The following PRDM16 variants were observed in gnomAD, a reference collection of about 807,000 sequenced individuals.
PRDM16 encodes histone-lysine N-methyltransferase PRDM16.
Under a neutral mutation model 110.6 loss-of-function variants are expected in PRDM16, and 23 were observed. The observed-to-expected ratio is 0.21, with a 90% CI of 0.15 to 0.29. PRDM16 has a LOEUF of 0.29. Ranked by LOEUF, PRDM16 falls within the 10% of genes least tolerant of loss-of-function variation. The pLI is 1.00. For missense variants in PRDM16, 1,615 were observed against 1,794.3 expected, an observed-to-expected ratio of 0.90 and a Z score of 1.81; for synonymous variants, 799 against 781.8, an observed-to-expected ratio of 1.02 and a Z score of -0.37.
chr1:3,181,102 TCTTACACGCGGC>T (rs1291138463), intron 1 of PRDM16, among the ~76,000 whole-genome samples: 505 of 22,634 alleles, frequency 0.022, 7 homozygotes, highest in African/African-American at 0.029. Flanking sequence ...ACACACGCAG[TCTTACACGCGGC>T]CTTACACACG....
intron 1 of PRDM16, among the ~76,000 whole-genome samples, chr1:3,180,958 T>TTACACACGCAGC (rs1557507335): frequency 1.1e-4 from 16 of 140,878 alleles, no homozygotes; most frequent in African/African-American, 3.5e-4. Flanking sequence ...ACACACGCAG[T>TTACACACGCAGC]CTTACACACT....
intron 3 of PRDM16, among the ~76,000 whole-genome samples, chr1:3,281,037 T>G (rs1640701840): frequency 6.6e-6 from 1 of 152,232 alleles, no homozygotes; most frequent in Admixed American, 6.5e-5. Flanking sequence ...CCTGGGTGGT[T>G]GTTCAACACC....
At chr1:3,400,938 T>G (rs1643457918) in intron 5 of PRDM16, among the ~76,000 whole-genome samples, 1 of 151,992 alleles carries the variant, frequency 6.6e-6, no homozygotes, top group Admixed American at 6.6e-5. Context: ...AAAAATCACA[T>G]CTGGCAAGCT....
At chr1:3,302,113 T>G (rs1347183483) in intron 3 of PRDM16, among the ~76,000 whole-genome samples, 2 of 152,194 alleles carry the variant, frequency 1.3e-5, no homozygotes, top group African/African-American at 2.4e-5. Context: ...CTAGGAGAGA[T>G]ACTGTGTTAG....
intron 1 of PRDM16, among the ~76,000 whole-genome samples, chr1:3,113,078 C>T (rs1642832306): frequency 6.6e-6 from 1 of 152,266 alleles, no homozygotes; most frequent in South Asian, 2.1e-4. Flanking sequence ...CAGCCAGCCT[C>T]TGTGATACTG....
chr1:3,184,053 G>C (rs1260015315), intron 1 of PRDM16, among the ~76,000 whole-genome samples: 2 of 151,652 alleles, frequency 1.3e-5, no homozygotes, highest in Non-Finnish European at 2.9e-5. Flanking sequence ...GGTTATGGGG[G>C]TGTTCTTTCA....
In PRDM16 at chr1:3,359,433, C is replaced by T; in HGVS notation, c.439-25719C>T. Among the ~76,000 whole-genome samples the T allele has an allele frequency of 6.6e-6, 1 of 152,122 alleles. No homozygotes were observed. The highest frequency in any genetic ancestry group is 1.9e-4 in the East Asian group (1 of 5,170). ...CTGCACATGGAACACATTGGAAGCC[C>T]TTGTCGGGTGCCACCTTCTAAGTAA... On this transcript the variant is annotated intron_variant, in intron 3 of 16. Transcript: ENST00000270722. The surrounding 1 kb of genome is among the most constrained non-coding windows in gnomAD (Gnocchi z 4.3).
chr1:3,417,818 A>G lies in PRDM16; in HGVS notation c.2692-10A>G, dbSNP rs754274180. ...GCTGAGTCCATAACCTCCCACTCTT[A>G]TGCCTACAGATGTCAGCCATAGAGA... is the stretch of plus-strand genomic sequence containing the variant. On this transcript the variant is annotated splice_polypyrimidine_tract_variant and intron_variant, in intron 10 of 16. Transcript: ENST00000270722. The G allele has an allele frequency of 7.1e-5, 115 of 1,613,268 alleles. No individual in the cohort carries two copies. The Admixed American group carries it at 1.9e-3, about 26-fold the overall frequency.
In PRDM16 at chr1:3,106,539, G is replaced by A. The variant is rs779105208; in HGVS notation, c.37+37243G>A. Reference sequence around the variant, plus strand: ...GGATGGGGATCCTGCCAGGGCTGGGGGAGTGGTCACAGGGCAAAGGCTGGA... The same window carrying A: ...GGATGGGGATCCTGCCAGGGCTGGGAGAGTGGTCACAGGGCAAAGGCTGGA... On this transcript the variant is annotated intron_variant, in intron 1 of 16. Coordinates refer to ENST00000270722, the MANE Select transcript of PRDM16 (RefSeq NM_022114.4). Among the ~76,000 whole-genome samples, 10 of 152,366 alleles carry A rather than the reference G, an allele frequency of 6.6e-5. No individual in the cohort carries two copies. In the South Asian group the frequency reaches 8.3e-4, roughly 13 times the overall value.
chr1:3,426,927 G>T (rs1557670677), intron 14 of PRDM16, among the ~76,000 whole-genome samples: 1 of 152,124 alleles, frequency 6.6e-6, no homozygotes, highest in Admixed American at 6.5e-5. Flanking sequence ...GCATGCACGT[G>T]CACTCATGCA....
At position 3,186,135 on chromosome 1, in the gene PRDM16, C is replaced by T. The variant is rs755458264; in HGVS notation, c.48C>T (p.Asp16=). The T allele has an allele frequency of 3.1e-6, 5 of 1,612,330 alleles. No individual in the cohort carries two copies. The highest frequency in any genetic ancestry group is 1.3e-5 in the African/African-American group (1 of 75,036). Residue 16 remains aspartate (D), a synonymous_variant, in exon 2 of 17, where the codon GAC becomes GAT. Coordinates refer to ENST00000270722, the MANE Select transcript of PRDM16 (RefSeq NM_022114.4). ...CGTTGTCTCCTTTAGGTGACGGTGA[C>T]GTTGTAAATAATATGTATGAGCCCA... ...RARKLAKSDG[D]VVNNMYEPNR... is the part of the protein sequence containing the mutation.
At chr1:3,297,844 A>C (rs933423715) in intron 3 of PRDM16, among the ~76,000 whole-genome samples, 1 of 147,664 alleles carries the variant, frequency 6.8e-6, no homozygotes, top group Non-Finnish European at 1.5e-5. Flanking sequence ...AGGAGTAAAA[A>C]GGGAATAGAA....
In PRDM16 at chr1:3,359,898, A is replaced by T. The variant is rs770192764; in HGVS notation, c.439-25254A>T. On this transcript the variant is annotated intron_variant, in intron 3 of 16. Coordinates refer to ENST00000270722, the MANE Select transcript of PRDM16 (RefSeq NM_022114.4). The surrounding 1 kb of genome is among the most constrained non-coding windows in gnomAD (Gnocchi z 4.3). ...ATGTGCAGGATCTCTTGGAAGACGG[A>T]TGCCGTGTGCACGCAAAGACGGCAG... Among the ~76,000 whole-genome samples the T allele has an allele frequency of 6.6e-6, 1 of 152,212 alleles. No individual in the cohort carries two copies. Among genetic ancestry groups the T allele is most frequent in the Non-Finnish European group, 1.5e-5 (1 of 68,034 alleles).
intron 3 of PRDM16, among the ~76,000 whole-genome samples, chr1:3,262,419 C>G (rs1485982164): frequency 2.0e-5 from 3 of 152,216 alleles, no homozygotes; most frequent in East Asian, 1.9e-4. Context: ...TCAACCAGAC[C>G]GAGCAGGAGT....
rs759756565 is a variant in PRDM16 at position 3,412,388 on chromosome 1, C to T, written c.2191C>T (p.Pro731Ser). 10 of 1,613,160 alleles carry T rather than the reference C, an allele frequency of 6.2e-6. No individual in the cohort carries two copies. In the East Asian group the frequency reaches 1.8e-4, roughly 29 times the overall value. Residue 731 changes from proline (P) to serine (S), a missense_variant, in exon 9 of 17, where the codon CCC becomes TCC. Pro to Ser is a moderately conservative substitution (Grantham distance 74). Around this residue, in one of 5 missense-constraint regions of PRDM16, gnomAD observed 772 missense variants for 748.3 expected, o/e 1.03. Transcript: ENST00000270722. Reference sequence around the variant, plus strand: ...CTCGGCGTTCCCCTTCCAGTTCCTGCCCAACTTCCCCCACTCCCTTTACCC... The same window carrying T: ...CTCGGCGTTCCCCTTCCAGTTCCTGTCCAACTTCCCCCACTCCCTTTACCC... ...YHSAFPFQFL[P>S]NFPHSLYPFT... is the part of the protein sequence containing the mutation.
intron 3 of PRDM16, among the ~76,000 whole-genome samples, chr1:3,288,893 A>G (rs1401384620): frequency 6.6e-6 from 1 of 152,124 alleles, no homozygotes; most frequent in Non-Finnish European, 1.5e-5. Flanking sequence ...CTCCTCCCAC[A>G]TTGACCAGTG....
intron 3 of PRDM16, among the ~76,000 whole-genome samples, chr1:3,268,230 G>T (rs910902739): frequency 6.6e-6 from 1 of 152,224 alleles, no homozygotes; most frequent in Non-Finnish European, 1.5e-5. Context: ...CCAGGTGCGC[G>T]TGGAAGTGTG....
chr1:3,191,044 G>A (rs1176259408), intron 2 of PRDM16, among the ~76,000 whole-genome samples: 3 of 152,112 alleles, frequency 2.0e-5, no homozygotes, highest in Non-Finnish European at 4.4e-5. Context: ...ATCAGCCACT[G>A]TCTCCCACCC....
intron 3 of PRDM16, among the ~76,000 whole-genome samples, chr1:3,272,687 T>G (rs1478394618): frequency 4.6e-5 from 7 of 152,192 alleles, no homozygotes; most frequent in Admixed American, 4.6e-4. Context: ...GATTCGAAAG[T>G]TCCCTATGAG....
Sources: gnomAD v4.1 joint callset for allele counts (sites outside exome capture counted in the v4.1 genomes callset) on GRCh38, gnomAD v4.1.1 for gene constraint, gnomAD v4.1.1 regional missense constraint, Gnocchi (gnomAD v3.1) non-coding constraint, MANE v1.5 for transcripts, NCBI Gene and HGNC (gene_info 2026-07-23, HGNC 2026-07-21) for gene names.